PUS7L: variants seen among roughly 807,000 people sequenced by gnomAD.
PUS7L encodes pseudouridine synthase 7 like, also known as pseudouridylate synthase PUS7L.
Under a neutral mutation model 51.1 loss-of-function variants are expected in PUS7L, and 49 were observed. The ratio of observed to expected loss-of-function variants is 0.96; its 90% CI spans 0.76 to 1.22. PUS7L has a LOEUF of 1.22. PUS7L is among the 50% of genes most tolerant of loss of function. The pLI, the probability that PUS7L is intolerant of heterozygous loss-of-function variation, is 0.00. For missense variants in PUS7L, 828 were observed against 820.6 expected, an observed-to-expected ratio of 1.01 and a Z score of -0.11; for synonymous variants, 277 against 276.2, an observed-to-expected ratio of 1.00 and a Z score of -0.03.
chr12:43,730,806 G>T, intron 8 of PUS7L, 104 bp from the exon 9 acceptor site: 2 of 706,922 alleles, frequency 2.8e-6, no homozygotes, highest in South Asian at 1.9e-5. Flanking sequence ...TGTAAAAATA[G>T]TCTCAGAATA....
Position 43,736,563 on chromosome 12 carries a change from A to G in PUS7L, c.1543T>C (p.Cys515Arg), listed in dbSNP as rs771118225. The stretch of plus-strand genomic sequence containing the variant: ...GGTAAAGAGAACCATGCCTGGATAC[A>G]ACCTTCCTCGGTCATGCCAAAGCGG... ...LHRFGMTEEG[C>R]IQAWFSLPHS... Residue 515 changes from cysteine to arginine, a missense_variant, in exon 7 of 9, where the codon TGT (cysteine) becomes CGT (arginine). Coordinates refer to ENST00000344862, the MANE Select transcript of PUS7L (RefSeq NM_031292.5). 2 of 1,614,048 alleles carry G rather than the reference A, an allele frequency of 1.2e-6. No homozygotes were observed. The highest frequency in any genetic ancestry group is 1.6e-4 in the Middle Eastern group (1 of 6,062).
intron 4 of PUS7L, among the ~76,000 whole-genome samples, chr12:43,743,188 T>C (rs1313630840): frequency 6.6e-6 from 1 of 152,180 alleles, no homozygotes; most frequent in Non-Finnish European, 1.5e-5. Context: ...GTTTTAAAAC[T>C]GTCACATTAC....
intron 4 of PUS7L, among the ~76,000 whole-genome samples, chr12:43,744,518 G>A (rs968112284): frequency 6.6e-6 from 1 of 152,100 alleles, no homozygotes; most frequent in Admixed American, 6.5e-5. Flanking sequence ...CCACCTATAC[G>A]GAACTGTGAG....
intron 1 of PUS7L, among the ~76,000 whole-genome samples, chr12:43,757,383 G>A (rs1413885124): frequency 6.6e-6 from 1 of 152,192 alleles, no homozygotes; most frequent in Non-Finnish European, 1.5e-5. Flanking sequence ...ATATTGGCCA[G>A]GGTGGTCTTG....
chr12:43,752,591 A>C (rs770042400), intron 2 of PUS7L, among the ~76,000 whole-genome samples: 4 of 152,232 alleles, frequency 2.6e-5, no homozygotes, highest in African/African-American at 2.4e-5. Flanking sequence ...TACAACATAG[A>C]TGAATCTCGA....
chr12:43,729,327 T>A lies in PUS7L; in HGVS notation c.*1049A>T. 2.5e-6 allele frequency: 1 copy of A among 395,110 alleles called. No homozygotes were observed. Among genetic ancestry groups the A allele is most frequent in the South Asian group, 1.3e-4 (1 of 7,552 alleles). The allele number at this position is 395,110 out of a possible 1,614,324, so 24.5% of individuals were successfully genotyped here. A position where few individuals can be genotyped will look rare whatever the true frequency, so the allele number is the denominator to read the frequency against. On this transcript the variant is annotated 3_prime_UTR_variant, in exon 9 of 9. Coordinates refer to ENST00000344862, the MANE Select transcript of PUS7L (RefSeq NM_031292.5). ...AACTGGCTTAAGTATATATATCACA[T>A]TACTGATATATAATGCTCCATACTG...
chr12:43,740,951 C>T (rs1365556212), intron 5 of PUS7L: 2 of 152,158 alleles, frequency 1.3e-5, no homozygotes, highest in South Asian at 2.1e-4. Flanking sequence ...ACTACACATC[C>T]GGGCCAATTG....
Position 43,746,110 on chromosome 12 carries a change from T to G in PUS7L, c.1199A>C (p.Lys400Thr), listed in dbSNP as rs554885183. 2.6e-5 allele frequency: 40 copies of G among 1,529,462 alleles called. No individual in the cohort carries two copies. The East Asian group carries it at 8.8e-4, about 34-fold the overall frequency. The allele number at this position is 1,529,462 out of a possible 1,614,324, so 94.7% of individuals were successfully genotyped here. ...NHFDIVIRNL[K>T]KQINDSANLR... ...GTTTGCAGAATCATTTATTTGTTTT[T>G]TTAAATTTCTAATGACAATATCAAA... The change falls in exon 4 of 9, where the codon AAA becomes ACA. Residue 400 changes from lysine (K) to threonine (T), a missense_variant. Physicochemically the swap from Lys to Thr is moderately conservative, Grantham distance 78 (BLOSUM62 -1). Transcript: ENST00000344862.
At chr12:43,757,876 G>C (rs1938885651) in intron 1 of PUS7L, among the ~76,000 whole-genome samples, 1 of 152,196 alleles carries the variant, frequency 6.6e-6, no homozygotes, top group African/African-American at 2.4e-5. Context: ...AGAGCAGTGG[G>C]GATGGGAATG....
Position 43,738,353 on chromosome 12 carries a change from C to T in PUS7L, c.1401G>A (p.Leu467=). 2 of 1,597,056 alleles carry T rather than the reference C, an allele frequency of 1.3e-6. No individual in the cohort carries two copies. Among genetic ancestry groups the T allele is most frequent in the Non-Finnish European group, 8.6e-7 (1 of 1,165,664 alleles). ...TCTTTGCTCTATTTACAGGATCATC[C>T]AAGTCTTCTGGTGTAAGAAACAATT... ...AIKLFLTPED[L]DDPVNRAKKY... Residue 467 remains leucine (L), a synonymous_variant, in exon 6 of 9, where the codon TTG becomes TTA. Coordinates refer to ENST00000344862, the MANE Select transcript of PUS7L (RefSeq NM_031292.5).
intron 4 of PUS7L, among the ~76,000 whole-genome samples, chr12:43,745,599 C>T (rs1592172557): frequency 6.6e-6 from 1 of 152,120 alleles, no homozygotes; most frequent in South Asian, 2.1e-4. Flanking sequence ...TCAACTAAAC[C>T]TCTTTCCTTC....
intron 1 of PUS7L, 35 bp downstream of exon 1, chr12:43,758,695 G>A: frequency 1.4e-6 from 1 of 701,936 alleles, no homozygotes; most frequent in Non-Finnish European, 1.6e-6. Flanking sequence ...ACACATACAA[G>A]CCCACCATCG....
rs1944438229 is a variant in PUS7L, at chr12:43,725,161, A to G, written c.*5215T>C. 1 of 152,200 alleles carries G rather than the reference A, an allele frequency of 6.6e-6. No individual in the cohort carries two copies. The highest frequency in any genetic ancestry group is 1.5e-5 in the Non-Finnish European group (1 of 68,030). 9.4% of individuals were successfully genotyped at this position (152,200 alleles called of 1,614,324 possible). On this transcript the variant is annotated 3_prime_UTR_variant, in exon 9 of 9. Transcript: ENST00000344862. Reference sequence around the variant, plus strand: ...AACAAGTTTCTCACTATGCTTTTTCAATGATATTTGTGCCAGGTACCATCT... The same window carrying G: ...AACAAGTTTCTCACTATGCTTTTTCGATGATATTTGTGCCAGGTACCATCT...
At chr12:43,745,149 C>G (rs1406069777) in intron 4 of PUS7L, among the ~76,000 whole-genome samples, 1 of 152,072 alleles carries the variant, frequency 6.6e-6, no homozygotes, top group African/African-American at 2.4e-5. Flanking sequence ...TATTATCTGG[C>G]CCTTTACAGT....
chr12:43,738,322 A>G lies in PUS7L; in HGVS notation c.1432T>C (p.Phe478Leu). ...GAAACGTAAATACCAGTTTGAAGAA[A>G]ATACTTCTTTGCTCTATTTACAGGA... ...DDPVNRAKKY[F>L]LQTEDAKGTL... The change falls in exon 6 of 9, where the codon TTT (phenylalanine) becomes CTT (leucine). Residue 478 changes from phenylalanine to leucine, a missense_variant. Phe to Leu is a conservative substitution (Grantham distance 22). Coordinates refer to ENST00000344862, the MANE Select transcript of PUS7L (RefSeq NM_031292.5). 1 of 1,558,098 alleles carries G rather than the reference A, an allele frequency of 6.4e-7. No individual in the cohort carries two copies. Among genetic ancestry groups the G allele is most frequent in the Non-Finnish European group, 8.9e-7 (1 of 1,129,330 alleles).
intron 7 of PUS7L, among the ~76,000 whole-genome samples, chr12:43,732,905 G>T (rs1418752629): frequency 5.3e-5 from 8 of 152,126 alleles, no homozygotes. Context: ...AGACTACATG[G>T]AATTATGATC....
chr12:43,731,304 GA>G (rs1000885205), intron 8 of PUS7L, among the ~76,000 whole-genome samples: 1 of 152,090 alleles, frequency 6.6e-6, no homozygotes. Context: ...GAATGAATCT[GA>G]AATTCACTAT....
rs1039042883 is a variant in PUS7L, at chr12:43,723,474, CAT to C, written c.*6900_*6901del. 5 of 152,002 alleles carry C rather than the reference CAT, an allele frequency of 3.3e-5. No individual in the cohort carries two copies. Among genetic ancestry groups the C allele is most frequent in the African/African-American group, 7.2e-5 (3 of 41,406 alleles). The allele number at this position is 152,002 out of a possible 1,614,324, so 9.4% of individuals were successfully genotyped here. A position where few individuals can be genotyped will look rare whatever the true frequency, so the allele number is the denominator to read the frequency against. On this transcript the variant is annotated 3_prime_UTR_variant, in exon 9 of 9. Coordinates refer to ENST00000344862, the MANE Select transcript of PUS7L (RefSeq NM_031292.5). ...AATGGAGTGCTGAGAGGTCAAGTAACATATTATTGGTCATACAGTGAGCTGTA... is the reference window on the plus strand; with the variant it reads ...AATGGAGTGCTGAGAGGTCAAGTAACATTATTGGTCATACAGTGAGCTGTA...
At position 43,748,554 on chromosome 12, in the gene PUS7L, A is replaced by C. The variant is rs1938285328; in HGVS notation, c.966T>G (p.Ala322=). Residue 322 remains alanine (A), a synonymous_variant, in exon 3 of 9, where the codon GCT becomes GCG. Coordinates refer to ENST00000344862, the MANE Select transcript of PUS7L (RefSeq NM_031292.5). ...LEMFEAIGFL[A]IKLGVIPSDF... is the part of the protein sequence containing the mutation. ...CCGAAGGAATAACACCAAGTTTGAT[A>C]GCTAAAAAACCAATCGCTTCAAACA... The C allele has an allele frequency of 1.9e-6, 3 of 1,610,474 alleles. No individual in the cohort carries two copies. In the African/African-American group the frequency reaches 4.0e-5, roughly 22 times the overall value.
Sources: gnomAD v4.1 joint callset for allele counts (sites outside exome capture counted in the v4.1 genomes callset) on GRCh38, gnomAD v4.1.1 for gene constraint, MANE v1.5 for transcripts, NCBI Gene and HGNC (gene_info 2026-07-23, HGNC 2026-07-21) for gene names.